The following DLGAP4 variants were observed in gnomAD, a reference collection of about 807,000 sequenced individuals.
DLGAP4 encodes the protein disks large-associated protein 4.
DLGAP4 carries 18 observed loss-of-function variants against 86.9 expected under a neutral mutation model. The ratio of observed to expected loss-of-function variants is 0.21; its 90% CI spans 0.14 to 0.31. DLGAP4 has a LOEUF of 0.31. Among genes scored for constraint, DLGAP4 ranks in the 10% least tolerant of loss-of-function variants. The pLI is 1.00. For missense variants in DLGAP4, 1,085 were observed against 1,362.6 expected, an observed-to-expected ratio of 0.80 and a Z score of 3.21; for synonymous variants, 548 against 574.3, an observed-to-expected ratio of 0.95 and a Z score of 0.65.
chr20:36,370,401 A>T (rs567352735), intron 2 of DLGAP4, among the ~76,000 whole-genome samples: 1 of 152,036 alleles, frequency 6.6e-6, no homozygotes, highest in African/African-American at 2.4e-5. Flanking sequence ...TGGGAGGATC[A>T]CTTGAGCCCA....
intron 1 of DLGAP4, among the ~76,000 whole-genome samples, chr20:36,356,425 C>A (rs1483005351): frequency 5.2e-4 from 79 of 152,200 alleles, no homozygotes; most frequent in Admixed American, 5.2e-3. Flanking sequence ...AATTCTCCTG[C>A]CTCAGCCTCC....
intron 1 of DLGAP4, among the ~76,000 whole-genome samples, chr20:36,339,647 C>T (rs2065357372): frequency 6.6e-6 from 1 of 152,222 alleles, no homozygotes; most frequent in South Asian, 2.1e-4. Flanking sequence ...GGCGCCCAAC[C>T]CAGTGTGTGT....
chr20:36,514,889 T>C (rs369715707), intron 10 of DLGAP4, among the ~76,000 whole-genome samples: 83 of 152,216 alleles, frequency 5.5e-4, no homozygotes, highest in African/African-American at 1.9e-3. Flanking sequence ...TTCTCCACAG[T>C]GACAGGAGAA....
intron 2 of DLGAP4, among the ~76,000 whole-genome samples, chr20:36,392,328 G>T (rs1405959297): frequency 6.6e-6 from 1 of 152,168 alleles, no homozygotes; most frequent in Non-Finnish European, 1.5e-5. Flanking sequence ...TAGAGCCTTA[G>T]GATTGCCTGT....
At chr20:36,427,147 C>T (rs922624170) in intron 2 of DLGAP4, among the ~76,000 whole-genome samples, 1 of 152,066 alleles carries the variant, frequency 6.6e-6, no homozygotes, top group Non-Finnish European at 1.5e-5. Flanking sequence ...CACACCACTG[C>T]ACTCCAGCCT....
chr20:36,365,814 T>G (rs2030665633), intron 1 of DLGAP4, among the ~76,000 whole-genome samples: 1 of 152,144 alleles, frequency 6.6e-6, no homozygotes, highest in Admixed American at 6.6e-5. Flanking sequence ...ACTGTCCCTT[T>G]CTCCTTATTC....
At chr20:36,327,347 A>G (rs2065225790) in intron 1 of DLGAP4, among the ~76,000 whole-genome samples, 1 of 151,474 alleles carries the variant, frequency 6.6e-6, no homozygotes, top group Non-Finnish European at 1.5e-5. Context: ...GTTATGATTT[A>G]CCTCCATAAG....
chr20:36,511,760 G>A (rs1432336323), intron 10 of DLGAP4, among the ~76,000 whole-genome samples: 2 of 150,998 alleles, frequency 1.3e-5, no homozygotes, highest in African/African-American at 2.4e-5. Context: ...CTGTAATCTC[G>A]GCTACTTCTG....
At chr20:36,490,915 C>A (rs2035633546) in intron 7 of DLGAP4, among the ~76,000 whole-genome samples, 2 of 151,984 alleles carry the variant, frequency 1.3e-5, no homozygotes, top group African/African-American at 2.4e-5. Context: ...AAAATGCAGG[C>A]CGGGCACGGT....
At chr20:36,463,371 T>A (rs1339551588) in intron 7 of DLGAP4, among the ~76,000 whole-genome samples, 1 of 152,202 alleles carries the variant, frequency 6.6e-6, no homozygotes, top group African/African-American at 2.4e-5. Context: ...AGCCTGTCTT[T>A]AAACAGCCCC....
At chr20:36,419,893 G>C (rs1482203730) in intron 2 of DLGAP4, among the ~76,000 whole-genome samples, 1 of 152,238 alleles carries the variant, frequency 6.6e-6, no homozygotes, top group African/African-American at 2.4e-5. Context: ...AGGGAGAGGG[G>C]TGTACACAAG....
chr20:36,471,515 T>TA (rs2034662334), intron 7 of DLGAP4, among the ~76,000 whole-genome samples: 1 of 151,854 alleles, frequency 6.6e-6, no homozygotes, highest in Non-Finnish European at 1.5e-5. Context: ...AATAAATAAA[T>TA]AAATAAACTG....
intron 7 of DLGAP4, among the ~76,000 whole-genome samples, chr20:36,471,901 A>G (rs891828573): frequency 6.6e-6 from 1 of 152,214 alleles, no homozygotes; most frequent in Non-Finnish European, 1.5e-5. Context: ...ATACAAGACG[A>G]GAGAAAAAAA....
intron 1 of DLGAP4, among the ~76,000 whole-genome samples, chr20:36,314,242 A>C (rs2065077790): frequency 6.7e-6 from 1 of 149,784 alleles, no homozygotes; most frequent in Non-Finnish European, 1.5e-5. Flanking sequence ...ACCCTCATAG[A>C]TCTGGTTCAC....
chr20:36,502,870 T>TG (rs1178415093), intron 10 of DLGAP4, among the ~76,000 whole-genome samples: 1 of 149,798 alleles, frequency 6.7e-6, no homozygotes, highest in Non-Finnish European at 1.5e-5. Flanking sequence ...ATTACAGGTG[T>TG]GTGCCACCAT....
intron 7 of DLGAP4, among the ~76,000 whole-genome samples, chr20:36,483,884 G>A (rs2035297406): frequency 6.6e-6 from 1 of 152,194 alleles, no homozygotes; most frequent in Admixed American, 6.5e-5. Flanking sequence ...ACCCACTCAG[G>A]AAATAGTCAA....
intron 7 of DLGAP4, chr20:36,461,476 C>T (rs868535033): frequency 7.1e-6 from 7 of 981,388 alleles, no homozygotes; most frequent in African/African-American, 3.5e-5. Context: ...GCGTACAAAA[C>T]CGGAGCCTCG....
rs536084625 is a variant in DLGAP4, at chr20:36,374,477, C to T, written c.-73+7202C>T. Among the ~76,000 whole-genome samples, 11 of 152,266 alleles carry T rather than the reference C, an allele frequency of 7.2e-5. No individual in the cohort carries two copies. The East Asian group carries it at 1.5e-3, about 21-fold the overall frequency. ...ACTATAGGATGAGAGGAGGCAGGCC[C>T]GGACCACAGGGGCCTTGAATGCCAG... is the stretch of plus-strand genomic sequence containing the variant. On this transcript the variant is annotated intron_variant, in intron 2 of 12. Transcript: ENST00000339266.
intron 1 of DLGAP4, among the ~76,000 whole-genome samples, chr20:36,325,088 A>AT (rs1555890923): frequency 1.3e-5 from 2 of 152,066 alleles, no homozygotes; most frequent in Admixed American, 1.3e-4. Context: ...GAATATAGGC[A>AT]TTTAGTGCTA....
Sources: allele counts gnomAD v4.1 joint callset (sites outside exome capture counted in the v4.1 genomes callset), GRCh38; gene constraint gnomAD v4.1.1; transcripts MANE v1.5; gene names NCBI Gene and HGNC (gene_info 2026-07-23, HGNC 2026-07-21).